The following AHCTF1 variants were observed in gnomAD, a reference collection of about 807,000 sequenced individuals.
The protein encoded by AHCTF1 is protein ELYS.
In AHCTF1, 24 loss-of-function variants were observed where a neutral mutation model predicts 248.4. The ratio of observed to expected loss-of-function variants is 0.10; its 90% CI spans 0.07 to 0.14. The LOEUF is 0.14. Ranked by LOEUF, AHCTF1 falls within the 10% of genes least tolerant of loss-of-function variation. The probability of loss-of-function intolerance (pLI) is 1.00; values close to 1 mark genes in which losing one functional copy is unlikely to be tolerated. For missense variants in AHCTF1, 2,206 were observed against 2,636.2 expected (o/e 0.84, Z 3.57); for synonymous variants, 786 against 929.8 (o/e 0.85, Z 2.81).
intron 14 of AHCTF1, 52 bp downstream of exon 14, chr1:246,894,607 G>T (rs959353431): frequency 4.4e-6 from 6 of 1,376,636 alleles, no homozygotes; most frequent in Non-Finnish European, 6.1e-6. Flanking sequence ...ATAAACCAAG[G>T]TTAGTATTTT....
Position 246,862,139 on chromosome 1 carries a change from C to T in AHCTF1, c.3555G>A (p.Leu1185=). ...ATCCAGAAGTAGTAACTGACATGGC[C>T]AAACTTTTAGCTTTCTATAGTAAAG... ...TPLVVKKAKS[L]AMSVTTSGFS... is the part of the protein sequence containing the mutation. The change falls in exon 28 of 36, where the codon TTG becomes TTA. Residue 1185 remains leucine, a synonymous_variant. Coordinates refer to ENST00000648844, the MANE Select transcript of AHCTF1 (RefSeq NM_001323342.2). The T allele has an allele frequency of 6.2e-7, 1 of 1,606,984 alleles. No individual in the cohort carries two copies. The highest frequency in any genetic ancestry group is 8.5e-7 in the Non-Finnish European group (1 of 1,177,752).
intron 12 of AHCTF1, among the ~76,000 whole-genome samples, chr1:246,896,806 G>A (rs1010924456): frequency 3.9e-5 from 6 of 152,114 alleles, no homozygotes; most frequent in South Asian, 2.1e-4. Context: ...CATTACAGGA[G>A]CAAATTAAAA....
rs752425265 is a variant in AHCTF1 at position 246,849,707 on chromosome 1, C to T, written c.6299G>A (p.Arg2100Gln). ...CGGCAACAAGATGGCCTTGCTAGAC[C>T]GAGTCCTGCTGCTGCGGGATGATTT... is the stretch of plus-strand genomic sequence containing the variant. ...FTKSSRSSRT[R>Q]SSKAILLPDL... The change falls in exon 33 of 36, where the codon CGG becomes CAG. Residue 2100 changes from arginine (R) to glutamine (Q), a missense_variant. By Grantham distance (43) the Arg-to-Gln change is conservative. Coordinates refer to ENST00000648844, the MANE Select transcript of AHCTF1 (RefSeq NM_001323342.2). The T allele has an allele frequency of 3.2e-5, 52 of 1,613,840 alleles. No homozygotes were observed. Among genetic ancestry groups the T allele is most frequent in the Non-Finnish European group, 3.6e-5 (42 of 1,179,872 alleles).
intron 7 of AHCTF1, among the ~76,000 whole-genome samples, chr1:246,903,179 G>C (rs77637621): frequency 0.026 from 3,926 of 152,264 alleles, 187 homozygotes; most frequent in African/African-American, 0.089. Flanking sequence ...GTTCAGAAAA[G>C]TCGGTTCTAG....
rs80254162 is a variant in AHCTF1 at position 246,874,308 on chromosome 1, T to C, written c.3088+1729A>G. ...AAGCCAAATAACATTAACTATTAAATGTCTCTATCTTCAGACAAATACGTG... is the reference window on the plus strand; with the variant it reads ...AAGCCAAATAACATTAACTATTAAACGTCTCTATCTTCAGACAAATACGTG... On this transcript the variant is annotated intron_variant, in intron 24 of 35. Transcript: ENST00000648844. 6.0e-3 allele frequency among the ~76,000 whole-genome samples: 911 copies of C among 152,264 alleles called. 2 individuals carry two copies. Among genetic ancestry groups the C allele is most frequent in the African/African-American group, 0.021 (856 of 41,558 alleles).
chr1:246,856,263 A>G (rs1414368504), intron 30 of AHCTF1, among the ~76,000 whole-genome samples: 2 of 152,240 alleles, frequency 1.3e-5, no homozygotes, highest in Non-Finnish European at 2.9e-5. Flanking sequence ...TAAGAGACCA[A>G]TGAAACCTGT....
At chr1:246,919,949 G>A (rs1433988797) in intron 1 of AHCTF1, among the ~76,000 whole-genome samples, 8 of 151,466 alleles carry the variant, frequency 5.3e-5, no homozygotes, top group Admixed American at 5.3e-4. Context: ...GACCATCCTG[G>A]ACAACATGGT....
rs61734008 is a variant in AHCTF1 at position 246,855,759 on chromosome 1, G to A, written c.4325C>T (p.Thr1442Ile). 1.7e-3 allele frequency: 2,797 copies of A among 1,613,152 alleles called. 33 individuals carry two copies. The African/African-American group carries it at 0.031, about 18-fold the overall frequency. Residue 1442 changes from threonine to isoleucine, a missense_variant, in exon 31 of 36, where the codon ACC becomes ATC. Physicochemically the swap from Thr to Ile is moderately conservative, Grantham distance 89 (BLOSUM62 -1). This residue lies in a region of AHCTF1 where 955 missense variants were observed against 1,055.6 expected (regional missense o/e 0.90). Transcript: ENST00000648844. ...DEGLTSVETY[T>I]PAIRANDNKS... is the part of the protein sequence containing the mutation. ...ATTGTCATTTGCTCTAATTGCAGGG[G>A]TGTAGGTTTCAACAGATGTTAATCC...
intron 29 of AHCTF1, 29 bp from the exon 30 acceptor site, chr1:246,857,843 T>C: frequency 6.4e-7 from 1 of 1,569,076 alleles, no homozygotes; most frequent in East Asian, 2.2e-5. Context: ...AGAATATTAT[T>C]TATGCTAAAT....
At chr1:246,852,615 G>C (rs2103046807) in intron 32 of AHCTF1, among the ~76,000 whole-genome samples, 1 of 152,114 alleles carries the variant, frequency 6.6e-6, no homozygotes, top group African/African-American at 2.4e-5. Flanking sequence ...TCAATCCTGT[G>C]TAACTGTATC....
At chr1:246,876,857 G>A in intron 23 of AHCTF1, 93 bp downstream of exon 23, 1 of 1,456,006 alleles carries the variant, frequency 6.9e-7, no homozygotes, top group South Asian at 1.3e-5. Context: ...AGGCACAGTG[G>A]TTACCAAACT....
At chr1:246,903,722 C>A (rs1017927345) in intron 7 of AHCTF1, among the ~76,000 whole-genome samples, 3 of 150,690 alleles carry the variant, frequency 2.0e-5, no homozygotes, top group African/African-American at 4.9e-5. Context: ...ACCTGTAATC[C>A]CAGCTACTCC....
intron 29 of AHCTF1, among the ~76,000 whole-genome samples, chr1:246,860,027 C>T (rs1470526491): frequency 2.6e-5 from 4 of 152,100 alleles, no homozygotes; most frequent in East Asian, 1.9e-4. Context: ...TCTGGGAGTC[C>T]GAGGCAGGCA....
chr1:246,909,394 C>CAAA (rs55998210), intron 4 of AHCTF1, among the ~76,000 whole-genome samples: 5 of 62,376 alleles, frequency 8.0e-5, no homozygotes, highest in East Asian at 4.8e-4. Flanking sequence ...TCCAGCCTCT[C>CAAA]AAAAAAAAAA....
chr1:246,849,994 G>A lies in AHCTF1; in HGVS notation c.6012C>T (p.Ser2004=), dbSNP rs1157536219. ...ERSPKKKEAP[S]IRRRSTRNTP... is the part of the protein sequence containing the mutation. Reference sequence around the variant, plus strand: ...TATTTCTTGTAGATCTCCTTCTAATGCTGGGAGCTTCTTTCTTCTTGGGGC... The same window carrying A: ...TATTTCTTGTAGATCTCCTTCTAATACTGGGAGCTTCTTTCTTCTTGGGGC... The change falls in exon 33 of 36, where the codon AGC becomes AGT. Residue 2004 remains serine, a synonymous_variant. Coordinates refer to ENST00000648844, the MANE Select transcript of AHCTF1 (RefSeq NM_001323342.2). The A allele has an allele frequency of 6.2e-7, 1 of 1,613,522 alleles. No homozygotes were observed. The highest frequency in any genetic ancestry group is 2.2e-5 in the East Asian group (1 of 44,868).
rs1351629938 is a variant in AHCTF1, at chr1:246,860,994, G to A, written c.4037C>T (p.Ala1346Val). Reference sequence around the variant, plus strand: ...TTGTTCAGTTACATTAGTAGTTAGTGCAGTGGAAGAGCTTTTGGGCTTAGA... The same window carrying A: ...TTGTTCAGTTACATTAGTAGTTAGTACAGTGGAAGAGCTTTTGGGCTTAGA... Reference protein sequence around the residue: ...TASKPKSSSTALTTNVTEQTE... With the variant: ...TASKPKSSSTVLTTNVTEQTE... The change falls in exon 29 of 36, where the codon GCA (alanine) becomes GTA (valine). Residue 1346 changes from alanine (A) to valine (V), a missense_variant. Transcript: ENST00000648844. 9 of 1,613,828 alleles carry A rather than the reference G, an allele frequency of 5.6e-6. No homozygotes were observed. The East Asian group carries it at 8.9e-5, about 16-fold the overall frequency.
intron 33 of AHCTF1, among the ~76,000 whole-genome samples, chr1:246,844,732 T>G (rs923693090): frequency 6.6e-6 from 1 of 151,534 alleles, no homozygotes; most frequent in Non-Finnish European, 1.5e-5. Flanking sequence ...AGGAAGATAT[T>G]CCATAGAAAA....
At position 246,862,049 on chromosome 1, in the gene AHCTF1, G is replaced by A. The variant is rs898893089; in HGVS notation, c.3645C>T (p.Pro1215=). 1 of 1,612,064 alleles carries A rather than the reference G, an allele frequency of 6.2e-7. No individual in the cohort carries two copies. The highest frequency in any genetic ancestry group is 8.5e-7 in the Non-Finnish European group (1 of 1,178,152). Residue 1215 remains proline, a synonymous_variant, in exon 28 of 36, where the codon CCC becomes CCT. Coordinates refer to ENST00000648844, the MANE Select transcript of AHCTF1 (RefSeq NM_001323342.2). ...GAGGAGACCTTCCAGGTGATGGAGA[G>A]GGAGATGCTAAAGGTGTTGATCGAA... ...STLRSTPLAS[P]SPSPGRSPQR... is the part of the protein sequence containing the mutation.
intron 5 of AHCTF1, among the ~76,000 whole-genome samples, chr1:246,906,954 T>C (rs556438963): frequency 5.9e-4 from 90 of 152,204 alleles, no homozygotes; most frequent in Non-Finnish European, 1.1e-3. Context: ...ACTCATATTA[T>C]ACAAACACAG....
Sources: gnomAD v4.1 joint callset for allele counts (sites outside exome capture counted in the v4.1 genomes callset) on GRCh38, gnomAD v4.1.1 for gene constraint, gnomAD v4.1.1 regional missense constraint, MANE v1.5 for transcripts, NCBI Gene and HGNC (gene_info 2026-07-23, HGNC 2026-07-21) for gene names.